SON: variants seen among roughly 807,000 people sequenced by gnomAD.
SON encodes SON DNA and RNA binding protein.
SON carries 4 observed loss-of-function variants against 173.3 expected under a neutral mutation model. The ratio of observed to expected loss-of-function variants is 0.02; its 90% CI spans 0.01 to 0.05. The LOEUF is 0.05. SON is among the 10% of genes least tolerant of loss of function. The probability of loss-of-function intolerance (pLI) is 1.00; values close to 1 mark genes in which losing one functional copy is unlikely to be tolerated. For missense variants in SON, 2,626 were observed against 3,055.3 expected, an observed-to-expected ratio of 0.86 and a Z score of 3.31; for synonymous variants, 1,190 against 1,105.9, an observed-to-expected ratio of 1.08 and a Z score of -1.51.
At chr21:33,567,313 A>C in intron 7 of SON, 46 bp downstream of exon 7, 8 of 1,055,028 alleles carry the variant, frequency 7.6e-6, no homozygotes, top group Non-Finnish European at 1.2e-5. Flanking sequence ...CCATCAGCCA[A>C]CTCACACCAA....
intron 1 of SON, 87 bp downstream of exon 1, chr21:33,543,256 C>T: frequency 3.1e-6 from 4 of 1,289,206 alleles, no homozygotes; most frequent in Admixed American, 3.4e-5. Flanking sequence ...GAGACGCAGT[C>T]GTTCCCCGGC....
intron 3 of SON, among the ~76,000 whole-genome samples, chr21:33,556,223 T>C (rs1601276562): frequency 1.3e-5 from 2 of 152,190 alleles, no homozygotes; most frequent in African/African-American, 4.8e-5. Context: ...AGAGGAACAG[T>C]ATGTAATTCC....
At chr21:33,549,159 ACCTCGACCTACTGGGTTCAAGTGAT>A (rs1043620215) in intron 2 of SON, among the ~76,000 whole-genome samples, 26 of 105,424 alleles carry the variant, frequency 2.5e-4, no homozygotes, top group African/African-American at 1.1e-3. Context: ...GCTCACTGAA[ACCTCGACCTACTGGGTTCAAGTGAT>A]CCGCCTCAGC....
In SON at chr21:33,574,477, A is replaced by G. The variant is rs530317958; in HGVS notation, c.7033+1022A>G. On this transcript the variant is annotated intron_variant, in intron 9 of 11. Transcript: ENST00000356577. ...TCCCAGGATAGGTTTAGAAAAGCTT[A>G]TATTAGCATGGAATTATTTAGCAAA... 8.5e-5 allele frequency among the ~76,000 whole-genome samples: 13 copies of G among 152,338 alleles called. No individual in the cohort carries two copies. The South Asian group carries it at 2.5e-3, about 29-fold the overall frequency.
chr21:33,555,248 G>A lies in SON; in HGVS notation c.6017G>A (p.Arg2006Lys). Reference protein sequence around the residue: ...SRRRRSRSVVRRRSFSISPVR... With the variant: ...SRRRRSRSVVKRRSFSISPVR... Reference sequence around the variant, plus strand: ...CGGAGAAGATCAAGGTCTGTGGTAAGAAGACGAAGCTTCAGTATCTCACCA... The same window carrying A: ...CGGAGAAGATCAAGGTCTGTGGTAAAAAGACGAAGCTTCAGTATCTCACCA... The change falls in exon 3 of 12, where the codon AGA becomes AAA. Residue 2006 changes from arginine to lysine, a missense_variant. Arg to Lys is a conservative substitution (Grantham distance 26). Transcript: ENST00000356577. 1 of 1,612,348 alleles carries A rather than the reference G, an allele frequency of 6.2e-7. No homozygotes were observed. Among genetic ancestry groups the A allele is most frequent in the South Asian group, 1.1e-5 (1 of 90,858 alleles).
chr21:33,560,104 G>A, intron 6 of SON: 4 of 1,613,536 alleles, frequency 2.5e-6, no homozygotes, highest in Non-Finnish European at 3.4e-6. Context: ...TTGCTTCAAG[G>A]CTCTATAGCT....
At position 33,567,193 on chromosome 21, in the gene SON, C is replaced by T; in HGVS notation, c.6694C>T (p.Leu2232Phe). ...CTCTACAGCAATGAGTGAACGGGCA[C>T]TTGCTCAGAAAAGACTCAGTGAGAA... The part of the protein sequence containing the change: ...DISTAMSERA[L>F]AQKRLSENAF... The change falls in exon 7 of 12, where the codon CTT (leucine) becomes TTT (phenylalanine). Residue 2232 changes from leucine to phenylalanine, a missense_variant. Around this residue, in one of 13 missense-constraint regions of SON, gnomAD observed 75 missense variants for 201.6 expected, o/e 0.37. Coordinates refer to ENST00000356577, the MANE Select transcript of SON (RefSeq NM_138927.4). 1 of 1,611,348 alleles carries T rather than the reference C, an allele frequency of 6.2e-7. No homozygotes were observed. The highest frequency in any genetic ancestry group is 8.5e-7 in the Non-Finnish European group (1 of 1,177,782).
chr21:33,572,525 C>G (rs755432011), intron 8 of SON: 1 of 1,275,468 alleles, frequency 7.8e-7, no homozygotes, highest in South Asian at 1.2e-5. Context: ...TGAACTTTCA[C>G]CCCTCTGTAT....
intron 11 of SON, 129 bp from the exon 12 acceptor site, chr21:33,576,233 GATT>G (rs1465773783): frequency 2.5e-4 from 158 of 639,998 alleles, no homozygotes; most frequent in Non-Finnish European, 3.9e-4. Context: ...TTCGGGTTGA[GATT>G]ATAATTTGAC....
chr21:33,568,253 A>G (rs2086212963), intron 7 of SON, among the ~76,000 whole-genome samples: 1 of 152,164 alleles, frequency 6.6e-6, no homozygotes, highest in Non-Finnish European at 1.5e-5. Context: ...AGCACTTTGA[A>G]AGGCCGAGGC....
rs763000763 is a variant in SON, at chr21:33,551,822, A to C, written c.2591A>C (p.Gln864Pro). ...TTAGCAACTAGCTCAATGGATTCCCAGATGTTAGCATCTGGCACTATGGAC... is the reference window on the plus strand; with the variant it reads ...TTAGCAACTAGCTCAATGGATTCCCCGATGTTAGCATCTGGCACTATGGAC... ...QMLATSSMDS[Q>P]MLASGTMDSQ... The change falls in exon 3 of 12, where the codon CAG becomes CCG. Residue 864 changes from glutamine to proline, a missense_variant. By Grantham distance (76) the Gln-to-Pro change is moderately conservative. Coordinates refer to ENST00000356577, the MANE Select transcript of SON (RefSeq NM_138927.4). 6.2e-7 allele frequency: 1 copy of C among 1,613,674 alleles called. No homozygotes were observed. The highest frequency in any genetic ancestry group is 1.3e-5 in the African/African-American group (1 of 74,872).
chr21:33,564,568 A>C (rs1050245069), intron 6 of SON, among the ~76,000 whole-genome samples: 1 of 152,214 alleles, frequency 6.6e-6, no homozygotes, highest in African/African-American at 2.4e-5. Flanking sequence ...TCGCATTAAA[A>C]ATAAAAATAT....
chr21:33,551,482 A>G lies in SON; in HGVS notation c.2251A>G (p.Met751Val), dbSNP rs972394017. Residue 751 changes from methionine (M) to valine (V), a missense_variant, in exon 3 of 12, where the codon ATG (methionine) becomes GTG (valine). Physicochemically the swap from Met to Val is conservative, Grantham distance 21 (BLOSUM62 1). Coordinates refer to ENST00000356577, the MANE Select transcript of SON (RefSeq NM_138927.4). ...MDSQMLASNT[M>V]DSQMLASSTM... ...CTCCCAGATGCTAGCATCCAACACCATGGACTCCCAGATGTTAGCGTCTAG... is the reference window on the plus strand; with the variant it reads ...CTCCCAGATGCTAGCATCCAACACCGTGGACTCCCAGATGTTAGCGTCTAG... 1.2e-6 allele frequency: 2 copies of G among 1,614,008 alleles called. No homozygotes were observed. Among genetic ancestry groups the G allele is most frequent in the Non-Finnish European group, 1.7e-6 (2 of 1,180,006 alleles).
At position 33,559,411 on chromosome 21, in the gene SON, G is replaced by GTT; in HGVS notation, c.6468+36_6468+37insTT. On this transcript the variant is annotated intron_variant, in intron 5 of 11. Coordinates refer to ENST00000356577, the MANE Select transcript of SON (RefSeq NM_138927.4). This position sits in a 1 kb window ranked among gnomAD's most constrained non-coding sequence, Gnocchi z 4.1. ...AGTGCTTATGGATTGGTAAAACAGT[G>GTT]TAACTTGTGGAACTATTTAAATAAA... 2 of 1,562,772 alleles carry GTT rather than the reference G, an allele frequency of 1.3e-6. No homozygotes were observed. Among genetic ancestry groups the GTT allele is most frequent in the Non-Finnish European group, 1.7e-6 (2 of 1,158,252 alleles).
In SON at chr21:33,559,448, A is replaced by T; in HGVS notation, c.6468+72A>T. ...ACTATTTAAATAAAACCCAAATCGAATTTAGTTTATTAATTTTTGTTTTAA... is the reference window on the plus strand; with the variant it reads ...ACTATTTAAATAAAACCCAAATCGATTTTAGTTTATTAATTTTTGTTTTAA... On this transcript the variant is annotated intron_variant, in intron 5 of 11. Coordinates refer to ENST00000356577, the MANE Select transcript of SON (RefSeq NM_138927.4). The surrounding 1 kb of genome is among the most constrained non-coding windows in gnomAD (Gnocchi z 4.1). 1.3e-6 allele frequency: 2 copies of T among 1,501,294 alleles called. No homozygotes were observed. Among genetic ancestry groups the T allele is most frequent in the South Asian group, 1.3e-5 (1 of 76,640 alleles). 93.0% of individuals were successfully genotyped at this position (1,501,294 alleles called of 1,614,324 possible).
At chr21:33,543,521 C>A (rs1479661474) in intron 1 of SON, 2 of 247,226 alleles carry the variant, frequency 8.1e-6, no homozygotes, top group East Asian at 9.8e-5. Flanking sequence ...CCTCCTCCGC[C>A]GCCGCGTATC....
At chr21:33,558,626 C>G (rs189229077) in intron 4 of SON, 1 of 152,160 alleles carries the variant, frequency 6.6e-6, no homozygotes, top group East Asian at 1.9e-4. Flanking sequence ...TTGCTGTTTT[C>G]GGCCCCATCT....
intron 8 of SON, chr21:33,571,609 T>G (rs2063324365): frequency 6.6e-6 from 1 of 152,668 alleles, no homozygotes; most frequent in African/African-American, 2.4e-5. Context: ...TACAGTTTGT[T>G]ATTGTGGTCT....
rs147979348 is a variant in SON, at chr21:33,551,181, G to A, written c.1950G>A (p.Ala650=). 115 of 1,614,046 alleles carry A rather than the reference G, an allele frequency of 7.1e-5. No homozygotes were observed. Among genetic ancestry groups the A allele is most frequent in the South Asian group, 1.8e-4 (16 of 91,082 alleles). ...ELPGQPVATV[A]LEISVQSVVT... ...CTGGGCAGCCTGTGGCAACTGTGGC[G>A]CTGGAGATCTCTGTTCAGTCTGTGG... The change falls in exon 3 of 12, where the codon GCG becomes GCA. Residue 650 remains alanine (A), a synonymous_variant. Transcript: ENST00000356577.
Sources: gnomAD v4.1 joint callset for allele counts (sites outside exome capture counted in the v4.1 genomes callset) on GRCh38, gnomAD v4.1.1 for gene constraint, gnomAD v4.1.1 regional missense constraint, Gnocchi (gnomAD v3.1) non-coding constraint, MANE v1.5 for transcripts, NCBI Gene and HGNC (gene_info 2026-07-23, HGNC 2026-07-21) for gene names.